The following PHACTR2 variants were observed in gnomAD, a reference collection of about 807,000 sequenced individuals.
PHACTR2 encodes phosphatase and actin regulator 2.
Under a neutral mutation model 76.0 loss-of-function variants are expected in PHACTR2, and 30 were observed. That is an observed-to-expected ratio of 0.39 (90% CI 0.30 to 0.54). The LOEUF (loss-of-function observed/expected upper bound fraction) is 0.54, where lower values mean the gene tolerates loss of function less well. Among genes scored for constraint, PHACTR2 ranks in the 20% least tolerant of loss-of-function variants. The pLI is 0.61. For missense variants in PHACTR2, 696 were observed against 781.1 expected, an observed-to-expected ratio of 0.89 and a Z score of 1.30; for synonymous variants, 292 against 292.5, an observed-to-expected ratio of 1.00 and a Z score of 0.02.
chr6:143,765,816 C>G lies in PHACTR2; in HGVS notation c.1232+18C>G. The G allele has an allele frequency of 1.3e-6, 2 of 1,583,776 alleles. No individual in the cohort carries two copies. Among genetic ancestry groups the G allele is most frequent in the South Asian group, 1.1e-5 (1 of 89,440 alleles). ...GCAAAATGGTGAGTTGGGGAACAAACCCCCTATTTTATCTGAGAACTAAAG... is the reference window on the plus strand; with the variant it reads ...GCAAAATGGTGAGTTGGGGAACAAAGCCCCTATTTTATCTGAGAACTAAAG... On this transcript the variant is annotated intron_variant, in intron 6 of 12. Coordinates refer to ENST00000440869, the MANE Select transcript of PHACTR2 (RefSeq NM_001100164.2). This position sits in a 1 kb window ranked among gnomAD's most constrained non-coding sequence, Gnocchi z 4.1.
intron 1 of PHACTR2, among the ~76,000 whole-genome samples, chr6:143,572,421 C>T (rs750638303): frequency 2.0e-5 from 3 of 152,182 alleles, no homozygotes; most frequent in Non-Finnish European, 4.4e-5. Flanking sequence ...AAATATATCC[C>T]AACTATATAT....
At chr6:143,749,359 CCTTCT>C (rs1317377581) in intron 3 of PHACTR2, among the ~76,000 whole-genome samples, 1 of 152,140 alleles carries the variant, frequency 6.6e-6, no homozygotes, top group Non-Finnish European at 1.5e-5. Flanking sequence ...GCTTACGGCT[CCTTCT>C]CTTCTCTATT....
At position 143,664,960 on chromosome 6, in the gene PHACTR2, G is replaced by A. The variant is rs184484734; in HGVS notation, c.14-47056G>A. ...ATTACAGGCACCTGCCACCACACCC[G>A]GCTATTTTCTTGTATTTTTAGTAGA... On this transcript the variant is annotated intron_variant, in intron 1 of 11. Transcript: ENST00000305766. The surrounding 1 kb of genome is among the most constrained non-coding windows in gnomAD (Gnocchi z 5.1). Among the ~76,000 whole-genome samples the A allele has an allele frequency of 3.4e-4, 52 of 151,670 alleles. No individual in the cohort carries two copies. The highest frequency in any genetic ancestry group is 5.7e-4 in the Non-Finnish European group (39 of 67,862).
chr6:143,636,594 T>C (rs1776459530), intron 1 of PHACTR2, among the ~76,000 whole-genome samples: 1 of 152,256 alleles, frequency 6.6e-6, no homozygotes, highest in Admixed American at 6.5e-5. Context: ...AAATTTAAAA[T>C]AGAAGATAAA....
chr6:143,715,789 C>T (rs1394563989), intron 2 of PHACTR2, among the ~76,000 whole-genome samples: 2 of 152,198 alleles, frequency 1.3e-5, no homozygotes, highest in Non-Finnish European at 2.9e-5. Flanking sequence ...GGCATCCAGA[C>T]TTTGAACCAC....
In PHACTR2 at chr6:143,610,061, A is replaced by C. The variant is rs1176153882; in HGVS notation, c.13+1739A>C. On this transcript the variant is annotated intron_variant, in intron 1 of 11. Coordinates refer to the PHACTR2 transcript ENST00000305766. This position sits in a 1 kb window ranked among gnomAD's most constrained non-coding sequence, Gnocchi z 4.9. ...CAAATATAGCCATACATACCTTTGAATAGAATAACGGGTTTTAAATCACAT... is the reference window on the plus strand; with the variant it reads ...CAAATATAGCCATACATACCTTTGACTAGAATAACGGGTTTTAAATCACAT... 6.6e-6 allele frequency among the ~76,000 whole-genome samples: 1 copy of C among 152,204 alleles called. No individual in the cohort carries two copies. The highest frequency in any genetic ancestry group is 2.4e-5 in the African/African-American group (1 of 41,450).
At position 143,546,745 on chromosome 6, in the gene PHACTR2, C is replaced by G. The variant is rs1775006961; in HGVS notation, c.217+9538C>G. Among the ~76,000 whole-genome samples, 1 of 151,874 alleles carries G rather than the reference C, an allele frequency of 6.6e-6. No individual in the cohort carries two copies. The highest frequency in any genetic ancestry group is 1.5e-5 in the Non-Finnish European group (1 of 67,970). ...GATAATGATAAAGAATGTGATTTAG[C>G]CTGGGCGCAGTGGCTTACACATGTA... On this transcript the variant is annotated intron_variant, in intron 1 of 11. Transcript: ENST00000367584. This position sits in a 1 kb window ranked among gnomAD's most constrained non-coding sequence, Gnocchi z 4.9.
chr6:143,566,096 G>A (rs1775358891), intron 1 of PHACTR2, among the ~76,000 whole-genome samples: 1 of 151,900 alleles, frequency 6.6e-6, no homozygotes, highest in African/African-American at 2.4e-5. Flanking sequence ...TTTCTGAGTA[G>A]CTAGGCCTTC....
intron 1 of PHACTR2, among the ~76,000 whole-genome samples, chr6:143,586,420 G>A (rs1775630011): frequency 6.6e-6 from 1 of 152,230 alleles, no homozygotes; most frequent in Non-Finnish European, 1.5e-5. Flanking sequence ...AGGCTGATAT[G>A]AGATAAATTA....
At position 143,550,723 on chromosome 6, in the gene PHACTR2, C is replaced by T. The variant is rs987892055; in HGVS notation, c.217+13516C>T. Among the ~76,000 whole-genome samples, 1 of 151,656 alleles carries T rather than the reference C, an allele frequency of 6.6e-6. No individual in the cohort carries two copies. Among genetic ancestry groups the T allele is most frequent in the Non-Finnish European group, 1.5e-5 (1 of 67,904 alleles). ...AGAGGCGGGAATAGATTTAAAAAAA[C>T]AAACAACAACAAAAACAAACAAACA... On this transcript the variant is annotated intron_variant, in intron 1 of 11. Transcript: ENST00000367584. This position sits in a 1 kb window ranked among gnomAD's most constrained non-coding sequence, Gnocchi z 4.8.
intron 1 of PHACTR2, among the ~76,000 whole-genome samples, chr6:143,569,616 C>T (rs1775418851): frequency 6.6e-6 from 1 of 152,028 alleles, no homozygotes; most frequent in Non-Finnish European, 1.5e-5. Flanking sequence ...CAAACTGTGG[C>T]CTACATACCA....
intron 1 of PHACTR2, among the ~76,000 whole-genome samples, chr6:143,703,325 G>A (rs555938308): frequency 6.6e-6 from 1 of 152,246 alleles, no homozygotes; most frequent in East Asian, 1.9e-4. Flanking sequence ...GAATGTGATT[G>A]TGAGTGCAAT....
chr6:143,601,440 GT>G (rs374856084), intron 1 of PHACTR2, among the ~76,000 whole-genome samples: 65 of 152,256 alleles, frequency 4.3e-4, no homozygotes, highest in African/African-American at 1.4e-3. Context: ...CTGCTTGCAG[GT>G]TTTTTTAGGA....
At position 143,623,590 on chromosome 6, in the gene PHACTR2, G is replaced by GTAATAA. The variant is rs922743481; in HGVS notation, c.13+15280_13+15285dup. 6.6e-6 allele frequency among the ~76,000 whole-genome samples: 1 copy of GTAATAA among 151,562 alleles called. No individual in the cohort carries two copies. Among genetic ancestry groups the GTAATAA allele is most frequent in the Non-Finnish European group, 1.5e-5 (1 of 67,898 alleles). On this transcript the variant is annotated intron_variant, in intron 1 of 11. Transcript: ENST00000305766. The surrounding 1 kb of genome is among the most constrained non-coding windows in gnomAD (Gnocchi z 5.9). Reference sequence around the variant, plus strand: ...ACTCTGACTCGAAATAATAATAATAGTAATAATAATAATAATACCAAATGA... The same window carrying GTAATAA: ...ACTCTGACTCGAAATAATAATAATAGTAATAATAATAATAATAATAATACCAAATGA...
rs560548465 is a variant in PHACTR2, at chr6:143,623,675, T to A, written c.13+15353T>A. Among the ~76,000 whole-genome samples, 108 of 152,334 alleles carry A rather than the reference T, an allele frequency of 7.1e-4. No individual in the cohort carries two copies. The highest frequency in any genetic ancestry group is 8.5e-4 in the Non-Finnish European group (58 of 68,034). On this transcript the variant is annotated intron_variant, in intron 1 of 11. Transcript: ENST00000305766. This position sits in a 1 kb window ranked among gnomAD's most constrained non-coding sequence, Gnocchi z 5.9. ...GTTCATGGGAGTACAGCATACAAAG[T>A]TGGTTTTATTTTTATAAAAACATTT...
chr6:143,702,408 G>T (rs1777936031), intron 1 of PHACTR2, among the ~76,000 whole-genome samples: 1 of 152,094 alleles, frequency 6.6e-6, no homozygotes, highest in African/African-American at 2.4e-5. Context: ...CACCCAGCCT[G>T]CTTTTTTGTT....
At chr6:143,756,739 C>T (rs1322006597) in intron 4 of PHACTR2, among the ~76,000 whole-genome samples, 1 of 148,384 alleles carries the variant, frequency 6.7e-6, no homozygotes, top group Non-Finnish European at 1.5e-5. Flanking sequence ...CACTTGCTCC[C>T]TGTTAAACAA....
At position 143,689,748 on chromosome 6, in the gene PHACTR2, A is replaced by G. The variant is rs1777599504; in HGVS notation, c.46+11539A>G. ...CGCTCTGTTGCCCAGGCTGGAGTGCAGTGGCCTGATTTCAGCTCACTGCAA... is the reference window on the plus strand; with the variant it reads ...CGCTCTGTTGCCCAGGCTGGAGTGCGGTGGCCTGATTTCAGCTCACTGCAA... On this transcript the variant is annotated intron_variant, in intron 1 of 12. Coordinates refer to ENST00000440869, the MANE Select transcript of PHACTR2 (RefSeq NM_001100164.2). This position sits in a 1 kb window ranked among gnomAD's most constrained non-coding sequence, Gnocchi z 4.4. 4.1e-5 allele frequency among the ~76,000 whole-genome samples: 6 copies of G among 146,642 alleles called. No individual in the cohort carries two copies. The highest frequency in any genetic ancestry group is 3.4e-4 in the Admixed American group (5 of 14,588).
At chr6:143,797,630 T>C (rs1372122229) in intron 11 of PHACTR2, among the ~76,000 whole-genome samples, 1 of 152,212 alleles carries the variant, frequency 6.6e-6, no homozygotes, top group Non-Finnish European at 1.5e-5. Context: ...TTTCTGCATA[T>C]GGCCAGCCAG....
Sources: allele counts gnomAD v4.1 joint callset (sites outside exome capture counted in the v4.1 genomes callset), GRCh38; gene constraint gnomAD v4.1.1; non-coding constraint Gnocchi (gnomAD v3.1); transcripts MANE v1.5; gene names NCBI Gene and HGNC (gene_info 2026-07-23, HGNC 2026-07-21).